PIGN: variants seen among roughly 807,000 people sequenced by gnomAD.
The protein encoded by PIGN is GPI ethanolamine phosphate transferase 1.
A neutral mutation model predicts 125.4 loss-of-function variants in PIGN; 117 were observed. That is an observed-to-expected ratio of 0.93 (90% CI 0.80 to 1.09). The LOEUF is 1.09. Ranked by LOEUF, PIGN falls within the 50% of genes least tolerant of loss-of-function variation. PIGN has a pLI of 0.00. For synonymous variants in PIGN, 392 were observed against 377.8 expected, an observed-to-expected ratio of 1.04 and a Z score of -0.44; for missense variants, 1,075 against 1,094.9, an observed-to-expected ratio of 0.98 and a Z score of 0.26.
At chr18:62,028,171 A>G (rs1471079243) in intron 23 of PIGN, among the ~76,000 whole-genome samples, 3 of 152,194 alleles carry the variant, frequency 2.0e-5, no homozygotes, top group Non-Finnish European at 4.4e-5. Context: ...CGGAGATGAT[A>G]AGAACAGCTG....
At chr18:62,065,045 T>C (rs894608981) in intron 30 of PIGN, among the ~76,000 whole-genome samples, 54 of 152,296 alleles carry the variant, frequency 3.5e-4, no homozygotes, top group African/African-American at 1.3e-3. Context: ...ACTTCCGGAA[T>C]AGACCAAAGG....
chr18:62,106,272 A>G (rs761611424), intron 19 of PIGN, among the ~76,000 whole-genome samples: 1 of 152,212 alleles, frequency 6.6e-6, no homozygotes, highest in East Asian at 1.9e-4. Context: ...AAGTGGAAAT[A>G]TAAGTGCATT....
chr18:62,155,229 A>G (rs1156449110), intron 6 of PIGN, among the ~76,000 whole-genome samples: 1 of 152,186 alleles, frequency 6.6e-6, no homozygotes, highest in Non-Finnish European at 1.5e-5. Flanking sequence ...AAGAATCTAA[A>G]CAGTTTAGTG....
chr18:62,072,979 C>T (rs1240592700), intron 29 of PIGN, among the ~76,000 whole-genome samples: 1 of 151,998 alleles, frequency 6.6e-6, no homozygotes, highest in Non-Finnish European at 1.5e-5. Context: ...TAAAGAAGAA[C>T]AAGCCAACAT....
chr18:62,064,673 C>T (rs1401097277), intron 30 of PIGN, among the ~76,000 whole-genome samples: 2 of 152,172 alleles, frequency 1.3e-5, no homozygotes, highest in Admixed American at 1.3e-4. Flanking sequence ...ATTCCTAATA[C>T]ACTGCATACA....
intron 2 of PIGN, among the ~76,000 whole-genome samples, chr18:62,163,003 CAATTT>C (rs1162104723): frequency 6.6e-6 from 1 of 151,998 alleles, no homozygotes; most frequent in African/African-American, 2.4e-5. Context: ...ATTACCAAAC[CAATTT>C]AAGATTCCAT....
intron 30 of PIGN, among the ~76,000 whole-genome samples, chr18:62,063,610 C>T (rs2032329255): frequency 6.7e-5 from 10 of 149,716 alleles, no homozygotes; most frequent in Admixed American, 6.6e-4. Context: ...TCTTCCCAAA[C>T]CTGTAAGTCC....
At chr18:62,178,306 T>G (rs1188981088) in intron 1 of PIGN, among the ~76,000 whole-genome samples, 1 of 151,812 alleles carries the variant, frequency 6.6e-6, no homozygotes, top group Non-Finnish European at 1.5e-5. Context: ...CAGACCAGAT[T>G]TTAGAATCCC....
chr18:62,183,311 CT>C (rs1211433408), intron 1 of PIGN, among the ~76,000 whole-genome samples: 1 of 152,058 alleles, frequency 6.6e-6, no homozygotes, highest in African/African-American at 2.4e-5. Flanking sequence ...GACTAAAATC[CT>C]TAATGTGACT....
At chr18:62,136,383 C>G (rs1316572054) in intron 14 of PIGN, 1 of 152,242 alleles carries the variant, frequency 6.6e-6, no homozygotes, top group African/African-American at 2.4e-5. Flanking sequence ...GAGTCTCGCT[C>G]TGTTGCCCAG....
chr18:62,129,268 G>A (rs1173564545), intron 14 of PIGN, among the ~76,000 whole-genome samples: 8 of 152,172 alleles, frequency 5.3e-5, no homozygotes. Flanking sequence ...TCAGAGAGCT[G>A]AGTCTCTTGT....
intron 4 of PIGN, among the ~76,000 whole-genome samples, chr18:62,160,840 T>C (rs1486848802): frequency 6.6e-6 from 1 of 152,164 alleles, no homozygotes; most frequent in Admixed American, 6.5e-5. Flanking sequence ...AAAAATAATA[T>C]AGTGAGTCTT....
chr18:62,136,845 C>G (rs1281912194), intron 14 of PIGN: 3 of 381,354 alleles, frequency 7.9e-6, no homozygotes, highest in Non-Finnish European at 9.3e-6. Context: ...AGAGCCAGGT[C>G]TGTGATCTAG....
intron 14 of PIGN, 26 bp downstream of exon 14, chr18:62,138,217 T>TAAATG: frequency 6.5e-7 from 1 of 1,539,612 alleles, no homozygotes; most frequent in Admixed American, 2.1e-5. Context: ...TTCCTTCAAG[T>TAAATG]TAATAAAAAA....
At chr18:62,114,943 G>A (rs1336133761) in intron 14 of PIGN, among the ~76,000 whole-genome samples, 1 of 152,168 alleles carries the variant, frequency 6.6e-6, no homozygotes, top group Non-Finnish European at 1.5e-5. Context: ...TTAAATTGAA[G>A]TAATTAGCAG....
At chr18:62,119,072 T>A (rs1223773150) in intron 14 of PIGN, among the ~76,000 whole-genome samples, 1 of 151,810 alleles carries the variant, frequency 6.6e-6, no homozygotes, top group African/African-American at 2.4e-5. Flanking sequence ...TAGGGATCCC[T>A]GAGATACTAC....
Position 62,045,988 on chromosome 18 carries a change from G to A in PIGN, c.2673-9C>T. 1 of 1,610,594 alleles carries A rather than the reference G, an allele frequency of 6.2e-7. No individual in the cohort carries two copies. The highest frequency in any genetic ancestry group is 8.5e-7 in the Non-Finnish European group (1 of 1,178,334). On this transcript the variant is annotated splice_polypyrimidine_tract_variant and intron_variant, in intron 30 of 30. Coordinates refer to ENST00000640252, the MANE Select transcript of PIGN (RefSeq NM_176787.5). ...TCACATAGTGGCTGATGCTGCAAAAGGAGAAAAAGATGTTACAGGCAGAGA... is the reference window on the plus strand; with the variant it reads ...TCACATAGTGGCTGATGCTGCAAAAAGAGAAAAAGATGTTACAGGCAGAGA...
intron 23 of PIGN, among the ~76,000 whole-genome samples, chr18:62,032,171 T>G (rs1284630601): frequency 6.6e-6 from 1 of 152,200 alleles, no homozygotes; most frequent in African/African-American, 2.4e-5. Flanking sequence ...GCGACTCCTT[T>G]TTTCCTAATA....
downstream of PIGN, among the ~76,000 whole-genome samples, chr18:62,039,015 G>T (rs967612402): frequency 2.6e-5 from 4 of 151,392 alleles, no homozygotes; most frequent in African/African-American, 7.3e-5. Flanking sequence ...ATACACATTG[G>T]GCTCTAACAT....
Sources: gnomAD v4.1 joint callset for allele counts (sites outside exome capture counted in the v4.1 genomes callset) on GRCh38, gnomAD v4.1.1 for gene constraint, MANE v1.5 for transcripts, NCBI Gene and HGNC (gene_info 2026-07-23, HGNC 2026-07-21) for gene names.